FAM124A: variants seen among roughly 807,000 people sequenced by gnomAD.
The protein encoded by FAM124A is family with sequence similarity 124 member A.
Under a neutral mutation model 24.5 loss-of-function variants are expected in FAM124A, and 23 were observed. The observed-to-expected ratio is 0.94, with a 90% confidence interval of 0.68 to 1.33. The LOEUF is 1.33. Among genes scored for constraint, FAM124A ranks in the 40% most tolerant of loss-of-function variants. The pLI is 0.00. For synonymous variants in FAM124A, 287 were observed against 314.7 expected (o/e 0.91, Z 0.93); for missense variants, 623 against 722.8 (o/e 0.86, Z 1.58).
At chr13:51,242,210 A>G (rs1954504311) in intron 2 of FAM124A, among the ~76,000 whole-genome samples, 1 of 152,182 alleles carries the variant, frequency 6.6e-6, no homozygotes, top group African/African-American at 2.4e-5. Flanking sequence ...TGAGATCCTG[A>G]CTTTCTCAGG....
At chr13:51,231,833 T>C (rs752045402) in intron 2 of FAM124A, among the ~76,000 whole-genome samples, 6 of 152,216 alleles carry the variant, frequency 3.9e-5, no homozygotes, top group Non-Finnish European at 7.3e-5. Flanking sequence ...CATCTATCTC[T>C]GGCAAAATCC....
intron 3 of FAM124A, among the ~76,000 whole-genome samples, chr13:51,279,108 A>G (rs186534065): frequency 6.6e-6 from 1 of 152,362 alleles, no homozygotes; most frequent in African/African-American, 2.4e-5. Context: ...GGCCTTTGGA[A>G]AAAATAAGAT....
chr13:51,271,957 G>A (rs1302692134), intron 3 of FAM124A, among the ~76,000 whole-genome samples: 5 of 152,168 alleles, frequency 3.3e-5, no homozygotes, highest in African/African-American at 4.8e-5. Context: ...TTCTGATATG[G>A]TCAGCTAGCT....
chr13:51,224,748 T>C (rs554940389), intron 1 of FAM124A, among the ~76,000 whole-genome samples: 1 of 152,288 alleles, frequency 6.6e-6, no homozygotes, highest in African/African-American at 2.4e-5. Flanking sequence ...TCTGATCATG[T>C]CTCTCCCTTT....
In FAM124A at chr13:51,283,310, G is replaced by T. The variant is rs550955849; in HGVS notation, c.*2054G>T. The T allele has an allele frequency of 6.6e-6, 1 of 152,244 alleles. No individual in the cohort carries two copies. The highest frequency in any genetic ancestry group is 2.1e-4 in the South Asian group (1 of 4,814). 9.4% of individuals were successfully genotyped at this position (152,244 alleles called of 1,614,324 possible). ...CCCACCTTGGCCTCCCAAAGCACTG[G>T]GATTACAGGCATGAGCCACCATTCC... On this transcript the variant is annotated 3_prime_UTR_variant, in exon 4 of 4. Coordinates refer to ENST00000322475, the MANE Select transcript of FAM124A (RefSeq NM_001242312.2).
intron 3 of FAM124A, among the ~76,000 whole-genome samples, chr13:51,254,529 A>G (rs1954656703): frequency 6.6e-6 from 1 of 152,106 alleles, no homozygotes; most frequent in Admixed American, 6.5e-5. Flanking sequence ...TGCCTGATTC[A>G]TGGGGGTAGG....
chr13:51,236,099 C>T (rs185609996), intron 2 of FAM124A, among the ~76,000 whole-genome samples: 12 of 152,298 alleles, frequency 7.9e-5, no homozygotes, highest in Middle Eastern at 3.4e-3. Flanking sequence ...CCTGGGGTTG[C>T]TGTGTCTGAA....
At chr13:51,267,892 G>A (rs1478032712) in intron 3 of FAM124A, among the ~76,000 whole-genome samples, 1 of 152,238 alleles carries the variant, frequency 6.6e-6, no homozygotes, top group Non-Finnish European at 1.5e-5. Flanking sequence ...GCTGTAGTCG[G>A]TGTGTCAAGA....
chr13:51,238,725 A>T (rs1954461390), intron 2 of FAM124A, among the ~76,000 whole-genome samples: 4 of 152,228 alleles, frequency 2.6e-5, no homozygotes, highest in Admixed American at 1.3e-4. Context: ...TGAACGTGTG[A>T]GTCCATTAGA....
intron 3 of FAM124A, among the ~76,000 whole-genome samples, chr13:51,254,077 CA>C (rs1455374253): frequency 1.3e-5 from 2 of 152,128 alleles, no homozygotes; most frequent in African/African-American, 4.8e-5. Flanking sequence ...TTTCAGTCTT[CA>C]GCAAAATTAA....
chr13:51,231,247 T>A, intron 1 of FAM124A, 101 bp from the exon 2 acceptor site: 1 of 1,303,990 alleles, frequency 7.7e-7, no homozygotes, highest in Non-Finnish European at 1.1e-6. Flanking sequence ...GTGACATTTC[T>A]TTACCAGCTA....
intron 1 of FAM124A, among the ~76,000 whole-genome samples, chr13:51,226,139 C>T (rs576383642): frequency 2.6e-5 from 4 of 151,014 alleles, no homozygotes; most frequent in East Asian, 2.0e-4. Context: ...ATTACAGGCC[C>T]GCACCACCGA....
chr13:51,261,398 C>T (rs945031802), intron 3 of FAM124A, among the ~76,000 whole-genome samples: 40 of 152,214 alleles, frequency 2.6e-4, no homozygotes, highest in Admixed American at 8.5e-4. Flanking sequence ...AGGGTCATTT[C>T]GTCTATGCCA....
At chr13:51,236,781 G>T (rs1344370426) in intron 2 of FAM124A, among the ~76,000 whole-genome samples, 5 of 152,198 alleles carry the variant, frequency 3.3e-5, no homozygotes, top group Non-Finnish European at 4.4e-5. Flanking sequence ...CTCCAAAAAA[G>T]GAAGATCAAT....
At chr13:51,242,154 T>G (rs190982015) in intron 2 of FAM124A, among the ~76,000 whole-genome samples, 1 of 152,350 alleles carries the variant, frequency 6.6e-6, no homozygotes, top group African/African-American at 2.4e-5. Flanking sequence ...TCTGTTCCTC[T>G]TGTTTCCAAG....
intron 3 of FAM124A, among the ~76,000 whole-genome samples, chr13:51,256,156 G>C (rs983539989): frequency 1.6e-4 from 25 of 151,862 alleles, no homozygotes; most frequent in Non-Finnish European, 5.9e-5. Context: ...GAAGTGACTT[G>C]GGGTCCCCTA....
At chr13:51,276,017 G>GAC (rs1954883057) in intron 3 of FAM124A, among the ~76,000 whole-genome samples, 1 of 152,248 alleles carries the variant, frequency 6.6e-6, no homozygotes, top group African/African-American at 2.4e-5. Flanking sequence ...GTAAAGTCAT[G>GAC]GAGATACAAA....
chr13:51,233,851 C>T (rs763321382), intron 2 of FAM124A, among the ~76,000 whole-genome samples: 72 of 152,254 alleles, frequency 4.7e-4, no homozygotes, highest in Non-Finnish European at 5.3e-4. Flanking sequence ...ACTATATAAT[C>T]ATAGGGGTCT....
chr13:51,281,156 C>T lies in FAM124A; in HGVS notation c.1541C>T (p.Pro514Leu), dbSNP rs1403190477. The T allele has an allele frequency of 6.2e-7, 1 of 1,614,036 alleles. No individual in the cohort carries two copies. The highest frequency in any genetic ancestry group is 8.5e-7 in the Non-Finnish European group (1 of 1,180,000). Reference protein sequence around the residue: ...STLTDSSPQLPCDTPKVKQTD... With the variant: ...STLTDSSPQLLCDTPKVKQTD... Reference sequence around the variant, plus strand: ...CTCACAGACTCCTCCCCACAGCTCCCATGCGATACCCCCAAAGTCAAGCAG... The same window carrying T: ...CTCACAGACTCCTCCCCACAGCTCCTATGCGATACCCCCAAAGTCAAGCAG... The change falls in exon 4 of 4, where the codon CCA becomes CTA. Residue 514 changes from proline (P) to leucine (L), a missense_variant. Transcript: ENST00000322475.
Sources: allele counts gnomAD v4.1 joint callset (sites outside exome capture counted in the v4.1 genomes callset), GRCh38; gene constraint gnomAD v4.1.1; transcripts MANE v1.5; gene names NCBI Gene and HGNC (gene_info 2026-07-23, HGNC 2026-07-21).